MTMR12: variants seen among roughly 807,000 people sequenced by gnomAD.
The protein encoded by MTMR12 is myotubularin-related protein 12.
A neutral mutation model predicts 96.7 loss-of-function variants in MTMR12; 33 were observed. The observed-to-expected ratio is 0.34, with a 90% CI of 0.26 to 0.46. MTMR12 has a LOEUF of 0.46. Among genes scored for constraint, MTMR12 ranks in the 20% least tolerant of loss-of-function variants. MTMR12 has a pLI of 1.00. For synonymous variants in MTMR12, 298 were observed against 327.2 expected, an observed-to-expected ratio of 0.91 and a Z score of 0.96; for missense variants, 721 against 896.1, an observed-to-expected ratio of 0.80 and a Z score of 2.49.
At chr5:32,246,169 A>AG (rs1554056243) in intron 10 of MTMR12, among the ~76,000 whole-genome samples, 5 of 130,828 alleles carry the variant, frequency 3.8e-5, no homozygotes, top group Admixed American at 7.7e-5. Context: ...TTGAGTAGAC[A>AG]GTTTTTTTTT....
intron 1 of MTMR12, among the ~76,000 whole-genome samples, chr5:32,278,651 A>G (rs2112100123): frequency 6.6e-6 from 1 of 152,292 alleles, no homozygotes; most frequent in East Asian, 1.9e-4. Context: ...AAGCCTGCGG[A>G]CTTATAGTGC....
Position 32,247,989 on chromosome 5 carries a change from G to A in MTMR12, c.1021+13C>T. 1 of 1,612,030 alleles carries A rather than the reference G, an allele frequency of 6.2e-7. No individual in the cohort carries two copies. The highest frequency in any genetic ancestry group is 8.5e-7 in the Non-Finnish European group (1 of 1,178,648). On this transcript the variant is annotated intron_variant, in intron 10 of 15. Transcript: ENST00000382142. ...CATATAACACAAAAGTTTTTGCTCAGTATTCTTCTCACCTATCAGAAATAG... is the reference window on the plus strand; with the variant it reads ...CATATAACACAAAAGTTTTTGCTCAATATTCTTCTCACCTATCAGAAATAG...
chr5:32,299,513 G>C (rs1751053371), intron 1 of MTMR12, among the ~76,000 whole-genome samples: 1 of 152,188 alleles, frequency 6.6e-6, no homozygotes, highest in African/African-American at 2.4e-5. Flanking sequence ...ATTGCCATCT[G>C]TGCCTCCCCT....
Position 32,312,822 on chromosome 5 carries a change from A to G in MTMR12, c.17T>C (p.Val6Ala). The part of the protein sequence containing the change: MLGKG[V>A]VGGGGGTKAP... ...CTTGGTGCCGCCGCCACCGCCGACT[A>G]CTCCTTTCCCCAGCATACCGCCGCC... The change falls in exon 1 of 16, where the codon GTA (valine) becomes GCA (alanine). Residue 6 changes from valine (V) to alanine (A), a missense_variant. Coordinates refer to ENST00000382142, the MANE Select transcript of MTMR12 (RefSeq NM_001040446.3). This position sits in a 1 kb window ranked among gnomAD's most constrained non-coding sequence, Gnocchi z 5.0. The G allele has an allele frequency of 6.5e-7, 1 of 1,531,046 alleles. No individual in the cohort carries two copies. The highest frequency in any genetic ancestry group is 8.8e-7 in the Non-Finnish European group (1 of 1,142,288). The allele number at this position is 1,531,046 out of a possible 1,614,324, so 94.8% of individuals were successfully genotyped here.
chr5:32,241,126 A>T (rs1023583941), intron 12 of MTMR12, among the ~76,000 whole-genome samples: 3 of 152,006 alleles, frequency 2.0e-5, no homozygotes, highest in African/African-American at 7.2e-5. Flanking sequence ...CGTTTCTTAG[A>T]CCTCCAATCT....
intron 14 of MTMR12, among the ~76,000 whole-genome samples, chr5:32,234,400 G>A (rs1171767556): frequency 3.9e-5 from 6 of 152,116 alleles, no homozygotes; most frequent in Non-Finnish European, 2.9e-5. Flanking sequence ...TTATCTAATT[G>A]GGGGCACAGT....
chr5:32,302,086 A>G (rs1281583860), intron 1 of MTMR12, among the ~76,000 whole-genome samples: 1 of 152,096 alleles, frequency 6.6e-6, no homozygotes, highest in Non-Finnish European at 1.5e-5. Context: ...CATAAGCCCT[A>G]TCTTACGGCT....
At chr5:32,294,437 G>C (rs1387484318) in intron 1 of MTMR12, among the ~76,000 whole-genome samples, 1 of 151,940 alleles carries the variant, frequency 6.6e-6, no homozygotes, top group African/African-American at 2.4e-5. Context: ...TTAGTAGCTG[G>C]GATTACTGGT....
At chr5:32,262,029 G>A (rs1212013048) in intron 7 of MTMR12, among the ~76,000 whole-genome samples, 3 of 152,022 alleles carry the variant, frequency 2.0e-5, no homozygotes, top group African/African-American at 7.2e-5. Flanking sequence ...CCGAGATCAC[G>A]CCACTGCACT....
chr5:32,268,669 T>TA (rs751170508), intron 6 of MTMR12, 32 bp downstream of exon 6: 5 of 1,578,564 alleles, frequency 3.2e-6, no homozygotes, highest in Non-Finnish European at 4.4e-6. Flanking sequence ...GGCTTCTGCT[T>TA]ACCCTCAAAT....
chr5:32,268,107 A>G (rs1749679177), intron 6 of MTMR12, among the ~76,000 whole-genome samples: 1 of 152,322 alleles, frequency 6.6e-6, no homozygotes, highest in South Asian at 2.1e-4. Flanking sequence ...CTGGGATCAC[A>G]GGCATGAGCA....
At chr5:32,251,574 A>G (rs1398700151) in intron 8 of MTMR12, among the ~76,000 whole-genome samples, 1 of 152,224 alleles carries the variant, frequency 6.6e-6, no homozygotes, top group Non-Finnish European at 1.5e-5. Flanking sequence ...TGTTACAAGA[A>G]GAAATGGTAG....
rs756894674 is a variant in MTMR12 at position 32,248,758 on chromosome 5, G to C, written c.896+14C>G. On this transcript the variant is annotated intron_variant, in intron 9 of 15. Transcript: ENST00000382142. ...AAGAACTGAACAAGAACAAAATGTA[G>C]AACTAGTACTGACCCATCTAAGAAG... The C allele has an allele frequency of 3.1e-6, 5 of 1,598,778 alleles. No individual in the cohort carries two copies. The South Asian group carries it at 5.5e-5, about 18-fold the overall frequency.
rs190048802 is a variant in MTMR12, at chr5:32,279,074, C to T, written c.82-2332G>A. 9.7e-3 allele frequency among the ~76,000 whole-genome samples: 375 copies of T among 38,532 alleles called. 4 individuals are homozygous for T. Among genetic ancestry groups the T allele is most frequent in the Non-Finnish European group, 0.011 (229 of 20,184 alleles). The allele number at this position is 38,532 out of a possible 152,430, so 25.3% of individuals were successfully genotyped here. On this transcript the variant is annotated intron_variant, in intron 1 of 15. Coordinates refer to ENST00000382142, the MANE Select transcript of MTMR12 (RefSeq NM_001040446.3). The stretch of plus-strand genomic sequence containing the variant: ...CTGGGCAACAAGAGCGAAACTCTGT[C>T]TCAAAAAAAAAAAAAAAAAAAAAAA...
Position 32,312,647 on chromosome 5 carries a change from C to A in MTMR12, c.81+111G>T, listed in dbSNP as rs1236351577. The A allele has an allele frequency of 9.7e-7, 1 of 1,032,214 alleles. No homozygotes were observed. Among genetic ancestry groups the A allele is most frequent in the Non-Finnish European group, 1.2e-6 (1 of 809,302 alleles). 63.9% of individuals were successfully genotyped at this position (1,032,214 alleles called of 1,614,324 possible). On this transcript the variant is annotated intron_variant, in intron 1 of 15. Coordinates refer to ENST00000382142, the MANE Select transcript of MTMR12 (RefSeq NM_001040446.3). This position sits in a 1 kb window ranked among gnomAD's most constrained non-coding sequence, Gnocchi z 5.0. ...CCCGCCTGGCTGCCCCGTCGCCCGG[C>A]ACAAGGGCAGGAAGCGCTCCGCGGC...
intron 6 of MTMR12, among the ~76,000 whole-genome samples, chr5:32,264,058 A>G (rs190353151): frequency 6.6e-6 from 1 of 152,340 alleles, no homozygotes; most frequent in African/African-American, 2.4e-5. Context: ...GATGATGGCC[A>G]TGGTGAGGAT....
intron 10 of MTMR12, among the ~76,000 whole-genome samples, chr5:32,246,150 C>T (rs911466626): frequency 4.9e-5 from 7 of 141,580 alleles, no homozygotes; most frequent in Admixed American, 7.2e-5. Flanking sequence ...ACAATGGTTT[C>T]GGTGCCTATT....
At chr5:32,297,835 T>C (rs542659097) in intron 1 of MTMR12, among the ~76,000 whole-genome samples, 26 of 152,178 alleles carry the variant, frequency 1.7e-4, no homozygotes, top group Non-Finnish European at 3.5e-4. Context: ...ACAGACCTGA[T>C]CTCACCAAAC....
intron 6 of MTMR12, among the ~76,000 whole-genome samples, chr5:32,267,686 A>C (rs114141151): frequency 0.014 from 2,079 of 152,332 alleles, 53 homozygotes; most frequent in African/African-American, 0.048. Flanking sequence ...AAAACTTTCT[A>C]GAATGCAAGA....
Sources: allele counts gnomAD v4.1 joint callset (sites outside exome capture counted in the v4.1 genomes callset), GRCh38; gene constraint gnomAD v4.1.1; non-coding constraint Gnocchi (gnomAD v3.1); transcripts MANE v1.5; gene names NCBI Gene and HGNC (gene_info 2026-07-23, HGNC 2026-07-21).